The following AP2B1 variants were observed in gnomAD, a reference collection of about 807,000 sequenced individuals.
The protein encoded by AP2B1 is adaptor related protein complex 2 subunit beta 1, also known as AP-2 complex subunit beta.
AP2B1 carries 23 observed loss-of-function variants against 102.0 expected under a neutral mutation model. The ratio of observed to expected loss-of-function variants is 0.23; its 90% CI spans 0.16 to 0.32. AP2B1 has a LOEUF of 0.32. Ranked by LOEUF, AP2B1 falls within the 10% of genes least tolerant of loss-of-function variation. AP2B1 has a pLI of 1.00. For synonymous variants in AP2B1, 381 were observed against 421.2 expected, an observed-to-expected ratio of 0.90 and a Z score of 1.17; for missense variants, 541 against 1,157.4, an observed-to-expected ratio of 0.47 and a Z score of 7.73.
chr17:35,677,516 A>C (rs1393802497), intron 17 of AP2B1, among the ~76,000 whole-genome samples: 1 of 152,140 alleles, frequency 6.6e-6, no homozygotes, highest in Non-Finnish European at 1.5e-5. Context: ...CTTTTTCCGT[A>C]ATAGGTCTTG....
chr17:35,718,825 T>C (rs140218258), intron 21 of AP2B1, among the ~76,000 whole-genome samples: 2 of 152,084 alleles, frequency 1.3e-5, no homozygotes, highest in East Asian at 3.9e-4. Flanking sequence ...TTGTATATAG[T>C]CTTCCATCTC....
chr17:35,626,723 T>C lies in AP2B1; in HGVS notation c.819T>C (p.Asp273=), dbSNP rs1422456218. 1.9e-6 allele frequency: 3 copies of C among 1,613,960 alleles called. No individual in the cohort carries two copies. Among genetic ancestry groups the C allele is most frequent in the Non-Finnish European group, 2.5e-6 (3 of 1,179,972 alleles). The change falls in exon 7 of 22, where the codon GAT becomes GAC. Residue 273 remains aspartate, a synonymous_variant. Coordinates refer to ENST00000610402, the MANE Select transcript of AP2B1 (RefSeq NM_001030006.2). ...AGTTTCTAGAATTGTTACCTAAGGA[T>C]TCTGACTACTACAATATGCTGCTGA... ...LMKFLELLPK[D]SDYYNMLLKK... is the part of the protein sequence containing the mutation.
chr17:35,616,142 CTTTTTTTTTTTTTTTTTTTTT>C lies in AP2B1; in HGVS notation c.525+7774_525+7794del, dbSNP rs71152739. Reference sequence around the variant, plus strand: ...TGAACTTAGGTTTTAAAAAATATCTCTTTTTTTTTTTTTTTTTTTTTTTTTTTTTTTTTTTTTTTGGAGACG... The same window carrying C: ...TGAACTTAGGTTTTAAAAAATATCTCTTTTTTTTTTTTTTTTTTGGAGACG... On this transcript the variant is annotated intron_variant, in intron 5 of 21. Transcript: ENST00000610402. Among the ~76,000 whole-genome samples, 41 of 57,438 alleles carry C rather than the reference CTTTTTTTTTTTTTTTTTTTTT, an allele frequency of 7.1e-4. No individual in the cohort carries two copies. The East Asian group carries it at 7.9e-3, about 11-fold the overall frequency. The allele number at this position is 57,438 out of a possible 152,430, so 37.7% of individuals were successfully genotyped here.
intron 2 of AP2B1, among the ~76,000 whole-genome samples, chr17:35,596,052 T>TA (rs1260509809): frequency 1.3e-5 from 2 of 152,006 alleles, no homozygotes; most frequent in South Asian, 2.1e-4. Flanking sequence ...ACATCATACT[T>TA]AAAAAAAATT....
intron 20 of AP2B1, among the ~76,000 whole-genome samples, chr17:35,713,348 C>T (rs2076489512): frequency 6.6e-6 from 1 of 152,226 alleles, no homozygotes; most frequent in Non-Finnish European, 1.5e-5. Flanking sequence ...CCAAGGCCAA[C>T]ATTTTCCCAC....
At chr17:35,655,106 C>T (rs760272102) in intron 13 of AP2B1, among the ~76,000 whole-genome samples, 2 of 151,926 alleles carry the variant, frequency 1.3e-5, no homozygotes, top group Non-Finnish European at 2.9e-5. Flanking sequence ...TGGATTATTC[C>T]GGTCTGATAT....
intron 2 of AP2B1, chr17:35,597,100 G>T: frequency 1.9e-6 from 1 of 533,222 alleles, no homozygotes; most frequent in South Asian, 1.8e-5. Context: ...GGGCCACTGA[G>T]GCAGCAGTAG....
At chr17:35,706,459 G>A (rs1212138858) in intron 18 of AP2B1, among the ~76,000 whole-genome samples, 2 of 152,156 alleles carry the variant, frequency 1.3e-5, no homozygotes, top group African/African-American at 4.8e-5. Flanking sequence ...ATTTCATGTA[G>A]GGTAGGGCCT....
chr17:35,722,498 G>C (rs982004642), intron 21 of AP2B1, among the ~76,000 whole-genome samples: 1 of 152,072 alleles, frequency 6.6e-6, no homozygotes, highest in African/African-American at 2.4e-5. Flanking sequence ...TGTTTGGTTT[G>C]GGGTTTTTTT....
intron 17 of AP2B1, among the ~76,000 whole-genome samples, chr17:35,675,072 T>C (rs892694560): frequency 1.3e-5 from 2 of 152,240 alleles, no homozygotes; most frequent in Admixed American, 6.5e-5. Flanking sequence ...TATGGAAGTA[T>C]ATATGCTGAA....
chr17:35,673,151 AC>A (rs2075625727), intron 16 of AP2B1, among the ~76,000 whole-genome samples: 1 of 151,844 alleles, frequency 6.6e-6, no homozygotes. Flanking sequence ...ATTATTCACC[AC>A]CCACAGATCC....
At chr17:35,712,986 A>G (rs1266738540) in intron 20 of AP2B1, among the ~76,000 whole-genome samples, 1 of 152,246 alleles carries the variant, frequency 6.6e-6, no homozygotes, top group Non-Finnish European at 1.5e-5. Context: ...GGTTGTTCAA[A>G]AAAGAAAATA....
At chr17:35,601,528 C>T (rs1377020297) in intron 3 of AP2B1, among the ~76,000 whole-genome samples, 2 of 152,116 alleles carry the variant, frequency 1.3e-5, no homozygotes, top group Admixed American at 6.5e-5. Flanking sequence ...CTTGGCCCCC[C>T]GAAGTGTTGG....
In AP2B1 at chr17:35,600,331, C is replaced by T. The variant is rs559999377; in HGVS notation, c.143+1996C>T. Among the ~76,000 whole-genome samples, 4 of 152,190 alleles carry T rather than the reference C, an allele frequency of 2.6e-5. No homozygotes were observed. In the South Asian group the frequency reaches 8.3e-4, roughly 32 times the overall value. ...CTCCTGACCTCAAATGATCTACCTG[C>T]CTTGGCCTCACAAAACTGCTGGGAT... is the stretch of plus-strand genomic sequence containing the variant. On this transcript the variant is annotated intron_variant, in intron 3 of 21. Coordinates refer to ENST00000610402, the MANE Select transcript of AP2B1 (RefSeq NM_001030006.2).
intron 16 of AP2B1, among the ~76,000 whole-genome samples, chr17:35,672,342 G>C (rs1410008606): frequency 6.6e-6 from 1 of 152,118 alleles, no homozygotes; most frequent in African/African-American, 2.4e-5. Context: ...CCTTTTTAGA[G>C]TTCCAATTTA....
intron 2 of AP2B1, among the ~76,000 whole-genome samples, chr17:35,595,016 C>T (rs1597965713): frequency 1.3e-5 from 2 of 152,308 alleles, no homozygotes; most frequent in East Asian, 3.9e-4. Flanking sequence ...CTTTTGTGTT[C>T]AGGAGTCCTT....
chr17:35,622,458 G>C (rs2074206435), intron 5 of AP2B1, among the ~76,000 whole-genome samples: 1 of 152,158 alleles, frequency 6.6e-6, no homozygotes, highest in South Asian at 2.1e-4. Context: ...CACAGATGAT[G>C]TGAATACTAA....
chr17:35,654,316 G>A (rs2075165297), intron 13 of AP2B1, among the ~76,000 whole-genome samples: 1 of 152,066 alleles, frequency 6.6e-6, no homozygotes, highest in African/African-American at 2.4e-5. Flanking sequence ...TGCCGACCTT[G>A]GCCTCCCAAA....
chr17:35,643,514 A>G (rs1379334298), intron 12 of AP2B1, among the ~76,000 whole-genome samples: 2 of 152,204 alleles, frequency 1.3e-5, no homozygotes, highest in African/African-American at 4.8e-5. Context: ...CCAGACTTCA[A>G]ACTCAGTCTC....
Sources: gnomAD v4.1 joint callset for allele counts (sites outside exome capture counted in the v4.1 genomes callset) on GRCh38, gnomAD v4.1.1 for gene constraint, MANE v1.5 for transcripts, NCBI Gene and HGNC (gene_info 2026-07-23, HGNC 2026-07-21) for gene names.